Variants in CALN1 observed in about 807,000 individuals in gnomAD.
CALN1 encodes the protein calcium-binding protein 8.
CALN1 carries 17 observed loss-of-function variants against 30.6 expected under a neutral mutation model. That is an observed-to-expected ratio of 0.56 (90% confidence interval 0.38 to 0.83). The LOEUF is 0.83. Ranked by LOEUF, CALN1 falls within the 40% of genes least tolerant of loss-of-function variation. The probability of loss-of-function intolerance (pLI) is 0.00; values close to 1 mark genes in which losing one functional copy is unlikely to be tolerated. For missense variants in CALN1, 291 were observed against 354.9 expected, an observed-to-expected ratio of 0.82 and a Z score of 1.45; for synonymous variants, 156 against 131.4, an observed-to-expected ratio of 1.19 and a Z score of -1.28.
At chr7:72,327,027 G>C (rs1801325240) in intron 2 of CALN1, among the ~76,000 whole-genome samples, 1 of 152,196 alleles carries the variant, frequency 6.6e-6, no homozygotes, top group African/African-American at 2.4e-5. Context: ...TAATTCTGCT[G>C]AATCACATGA....
chr7:71,881,152 T>C (rs944526808), intron 5 of CALN1, among the ~76,000 whole-genome samples: 5 of 152,182 alleles, frequency 3.3e-5, no homozygotes, highest in African/African-American at 1.2e-4. Flanking sequence ...TCTTCAGCTT[T>C]TGGACTCTTG....
intron 4 of CALN1, among the ~76,000 whole-genome samples, chr7:72,099,396 A>G (rs1806483713): frequency 6.6e-6 from 1 of 151,532 alleles, no homozygotes; most frequent in African/African-American, 2.4e-5. Context: ...TTAATTAGGT[A>G]GGCTCGAATC....
chr7:72,408,477 A>G (rs1562955526), intron 1 of CALN1, among the ~76,000 whole-genome samples: 1 of 151,770 alleles, frequency 6.6e-6, no homozygotes, highest in South Asian at 2.1e-4. Flanking sequence ...TAATAAAGAC[A>G]AAGACTCTCT....
the CALN1 span, among the ~76,000 whole-genome samples, chr7:72,496,084 C>A: frequency 6.6e-6 from 1 of 152,114 alleles, no homozygotes; most frequent in African/African-American, 2.4e-5. Context: ...CCATGCCCAG[C>A]TAATTTTTTG....
intron 2 of CALN1, among the ~76,000 whole-genome samples, chr7:72,329,385 T>C (rs1801504710): frequency 6.6e-6 from 1 of 152,232 alleles, no homozygotes; most frequent in Non-Finnish European, 1.5e-5. Context: ...GACTAAGTCA[T>C]ATCATTCACC....
intron 2 of CALN1, among the ~76,000 whole-genome samples, chr7:72,279,043 T>G (rs1054285508): frequency 2.0e-5 from 3 of 152,188 alleles, no homozygotes; most frequent in Non-Finnish European, 4.4e-5. Flanking sequence ...TTTTCCCCAT[T>G]TAATTATGAA....
chr7:72,331,879 C>T (rs1001947832), intron 2 of CALN1, among the ~76,000 whole-genome samples: 1 of 129,154 alleles, frequency 7.7e-6, no homozygotes, highest in African/African-American at 2.6e-5. Context: ...TAACAGGCCC[C>T]AGTGTGTTTG....
At chr7:71,961,619 A>G (rs1459377553) in intron 5 of CALN1, among the ~76,000 whole-genome samples, 2 of 152,162 alleles carry the variant, frequency 1.3e-5, no homozygotes. Context: ...TGTGTGCGCA[A>G]TTCTCCATTT....
At chr7:72,394,532 G>A (rs1562944436) in intron 2 of CALN1, among the ~76,000 whole-genome samples, 5 of 152,026 alleles carry the variant, frequency 3.3e-5, no homozygotes, top group Admixed American at 3.3e-4. Flanking sequence ...AAGGATGCTG[G>A]TAATCAACTG....
At chr7:72,226,830 G>A (rs1304956624) in intron 3 of CALN1, among the ~76,000 whole-genome samples, 1 of 152,108 alleles carries the variant, frequency 6.6e-6, no homozygotes, top group African/African-American at 2.4e-5. Flanking sequence ...ATGCCTTGAG[G>A]TCAGGAGTTC....
At position 71,780,519 on chromosome 7, in the gene CALN1, C is replaced by T. The variant is rs1792659879; in HGVS notation, c.*7256G>A. 1 of 152,274 alleles carries T rather than the reference C, an allele frequency of 6.6e-6. No individual in the cohort carries two copies. The highest frequency in any genetic ancestry group is 2.4e-5 in the African/African-American group (1 of 41,444). 9.4% of individuals were successfully genotyped at this position (152,274 alleles called of 1,614,324 possible). On this transcript the variant is annotated 3_prime_UTR_variant, in exon 7 of 7. Coordinates refer to ENST00000395275, the MANE Select transcript of CALN1 (RefSeq NM_031468.4). ...TGGGCCACATCAAAAGCAGGCACCG[C>T]TCAGCACTCAGCATCCCTCATTAGC...
intron 3 of CALN1, among the ~76,000 whole-genome samples, chr7:72,140,480 A>T (rs1809846259): frequency 6.6e-6 from 1 of 152,188 alleles, no homozygotes; most frequent in African/African-American, 2.4e-5. Context: ...TAGCACACGC[A>T]GCTCTACAGT....
chr7:72,393,262 A>G (rs1450272570), intron 2 of CALN1, among the ~76,000 whole-genome samples: 3 of 152,118 alleles, frequency 2.0e-5, no homozygotes, highest in African/African-American at 7.2e-5. Context: ...GGCCAGATCA[A>G]GACCATCCTG....
intron 1 of CALN1, among the ~76,000 whole-genome samples, chr7:72,444,599 C>T (rs558751224): frequency 7.2e-5 from 11 of 152,264 alleles, no homozygotes; most frequent in African/African-American, 2.6e-4. Flanking sequence ...GAGGCCATCC[C>T]TGCCCTCAGA....
At chr7:71,843,321 A>G (rs974894993) in intron 5 of CALN1, among the ~76,000 whole-genome samples, 8 of 152,166 alleles carry the variant, frequency 5.3e-5, no homozygotes, top group Non-Finnish European at 1.0e-4. Flanking sequence ...ATTGCAACTA[A>G]GAGTAAAAAA....
chr7:72,404,953 CAT>C (rs1806600644), intron 1 of CALN1, among the ~76,000 whole-genome samples: 1 of 152,198 alleles, frequency 6.6e-6, no homozygotes, highest in African/African-American at 2.4e-5. Context: ...CGGACAGACA[CAT>C]AAACCAACTA....
chr7:71,832,514 C>T (rs1027516904), intron 5 of CALN1, among the ~76,000 whole-genome samples: 1 of 152,156 alleles, frequency 6.6e-6, no homozygotes. Flanking sequence ...AAACAAGTTC[C>T]CAGATGCCAA....
rs1472471121 is a variant in CALN1, at chr7:72,001,908, C to A, written c.501+21749G>T. Among the ~76,000 whole-genome samples, 3 of 152,156 alleles carry A rather than the reference C, an allele frequency of 2.0e-5. No homozygotes were observed. In the East Asian group the frequency reaches 5.8e-4, roughly 29 times the overall value. ...CATTTTAAAAGTCAATCAACATAAT[C>A]CACCATATCAACAAACTAAAGAAGA... is the stretch of plus-strand genomic sequence containing the variant. On this transcript the variant is annotated intron_variant, in intron 5 of 6. Coordinates refer to ENST00000395275, the MANE Select transcript of CALN1 (RefSeq NM_031468.4).
chr7:72,296,122 A>G (rs1401454799), intron 2 of CALN1, among the ~76,000 whole-genome samples: 1 of 151,916 alleles, frequency 6.6e-6, no homozygotes, highest in Admixed American at 6.6e-5. Flanking sequence ...TGAGATAATC[A>G]TGTGGTTTTT....
Sources: gnomAD v4.1 joint callset for allele counts (sites outside exome capture counted in the v4.1 genomes callset) on GRCh38, gnomAD v4.1.1 for gene constraint, MANE v1.5 for transcripts, NCBI Gene and HGNC (gene_info 2026-07-23, HGNC 2026-07-21) for gene names.